The following FRMD4B variants were observed in gnomAD, a reference collection of about 807,000 sequenced individuals.
FRMD4B encodes the protein FERM domain-containing protein 4B.
FRMD4B carries 74 observed loss-of-function variants against 141.5 expected under a neutral mutation model. The observed-to-expected ratio is 0.52, with a 90% CI of 0.43 to 0.63. FRMD4B has a LOEUF of 0.63. Ranked by LOEUF, FRMD4B falls within the 30% of genes least tolerant of loss-of-function variation. FRMD4B has a pLI of 0.00. For synonymous variants in FRMD4B, 506 were observed against 467.9 expected (o/e 1.08, Z -1.05); for missense variants, 1,366 against 1,253.4 (o/e 1.09, Z -1.36).
intron 1 of FRMD4B, among the ~76,000 whole-genome samples, chr3:69,481,530 C>T (rs1047812813): frequency 9.2e-5 from 14 of 152,112 alleles, no homozygotes; most frequent in South Asian, 2.1e-4. Flanking sequence ...TGATATTTCA[C>T]GTAACAGTTA....
chr3:69,321,218 T>C (rs1701982961), intron 1 of FRMD4B, among the ~76,000 whole-genome samples: 1 of 152,056 alleles, frequency 6.6e-6, no homozygotes, highest in South Asian at 2.1e-4. Flanking sequence ...GAACCACTCA[T>C]AACAACGGGG....
chr3:69,250,281 C>CTGTGTGTGAG, intron 5 of FRMD4B, 182 bp from the exon 6 acceptor site: 4 of 511,730 alleles, frequency 7.8e-6, no homozygotes, highest in Non-Finnish European at 1.4e-5. Context: ...GGCGAAACCA[C>CTGTGTGTGAG]TGTGTGTGCG....
At chr3:69,358,836 G>C (rs1188293764) in intron 1 of FRMD4B, among the ~76,000 whole-genome samples, 1 of 152,146 alleles carries the variant, frequency 6.6e-6, no homozygotes, top group Non-Finnish European at 1.5e-5. Context: ...TTATCATGGA[G>C]GTGGGCTTCT....
chr3:69,469,660 C>G (rs1035452991), intron 1 of FRMD4B, among the ~76,000 whole-genome samples: 1 of 152,136 alleles, frequency 6.6e-6, no homozygotes, highest in Non-Finnish European at 1.5e-5. Context: ...CCCTACTCCA[C>G]AAGATTATTA....
intron 1 of FRMD4B, among the ~76,000 whole-genome samples, chr3:69,456,084 C>G (rs559571162): frequency 1.3e-5 from 2 of 152,190 alleles, no homozygotes; most frequent in Non-Finnish European, 2.9e-5. Context: ...CTCTAAAGAA[C>G]TTGTGAGCTT....
At position 69,447,671 on chromosome 3, in the gene FRMD4B, C is replaced by T. The variant is rs78774782; in HGVS notation, c.-128-14910G>A. Among the ~76,000 whole-genome samples the T allele has an allele frequency of 5.3e-5, 8 of 152,254 alleles. No individual in the cohort carries two copies. The East Asian group carries it at 1.5e-3, about 29-fold the overall frequency. ...AACATTTTTCTCTCCGAAGAAGTTCCTTTATATCCCTTTGTGCTCATTTCT... is the reference window on the plus strand; with the variant it reads ...AACATTTTTCTCTCCGAAGAAGTTCTTTTATATCCCTTTGTGCTCATTTCT... On this transcript the variant is annotated intron_variant, in intron 1 of 5. Transcript: ENST00000459638.
intron 1 of FRMD4B, among the ~76,000 whole-genome samples, chr3:69,529,747 T>C (rs562037064): frequency 6.6e-6 from 1 of 152,358 alleles, no homozygotes; most frequent in South Asian, 2.1e-4. Context: ...TTCTAAGTAC[T>C]TTACAAATAA....
chr3:69,262,968 G>C (rs1213645386), intron 5 of FRMD4B, among the ~76,000 whole-genome samples: 1 of 151,962 alleles, frequency 6.6e-6, no homozygotes, highest in Non-Finnish European at 1.5e-5. Context: ...GCTGTTAAAA[G>C]CAATTGTAGG....
chr3:69,187,387 A>T (rs2092779737), intron 19 of FRMD4B, among the ~76,000 whole-genome samples: 1 of 151,380 alleles, frequency 6.6e-6, no homozygotes, highest in Non-Finnish European at 1.5e-5. Context: ...CTCTCCTAAA[A>T]ATACAAAATT....
intron 1 of FRMD4B, among the ~76,000 whole-genome samples, chr3:69,326,459 A>G (rs1162611046): frequency 6.6e-6 from 1 of 152,212 alleles, no homozygotes; most frequent in East Asian, 1.9e-4. Context: ...GGTAAACTCT[A>G]ACACCTTATC....
intron 1 of FRMD4B, among the ~76,000 whole-genome samples, chr3:69,356,034 A>AG (rs1703309847): frequency 4.7e-4 from 1 of 2,136 alleles, no homozygotes; most frequent in Non-Finnish European, 3.9e-3. Flanking sequence ...ATCTCAAAAA[A>AG]GAAAAAAAAT....
At chr3:69,475,606 T>C (rs1345369131) in intron 1 of FRMD4B, among the ~76,000 whole-genome samples, 4 of 152,294 alleles carry the variant, frequency 2.6e-5, no homozygotes, top group African/African-American at 7.2e-5. Flanking sequence ...CAGTCTATCA[T>C]TGTTGGACAT....
intron 11 of FRMD4B, among the ~76,000 whole-genome samples, chr3:69,210,904 T>A (rs898683460): frequency 4.0e-5 from 6 of 149,936 alleles, no homozygotes; most frequent in Non-Finnish European, 5.9e-5. Flanking sequence ...TCCCAGCTAC[T>A]TGGGAGGCTG....
chr3:69,509,887 A>G (rs918079403), intron 1 of FRMD4B, among the ~76,000 whole-genome samples: 1 of 151,726 alleles, frequency 6.6e-6, no homozygotes, highest in African/African-American at 2.4e-5. Context: ...AAATATTGCA[A>G]TCAAGCAAGT....
intron 1 of FRMD4B, chr3:69,322,945 G>C: frequency 1.8e-6 from 1 of 545,798 alleles, no homozygotes; most frequent in Non-Finnish European, 2.3e-6. Flanking sequence ...AGTGGTGCCT[G>C]GTCATACAGT....
rs116686055 is a variant in FRMD4B at position 69,468,353 on chromosome 3, G to C, written c.-128-35592C>G. Among the ~76,000 whole-genome samples the C allele has an allele frequency of 4.0e-3, 602 of 151,980 alleles. 6 individuals carry two copies. The highest frequency in any genetic ancestry group is 0.013 in the African/African-American group (548 of 41,426). On this transcript the variant is annotated intron_variant, in intron 1 of 5. Coordinates refer to the FRMD4B transcript ENST00000459638. ...TTTTATAGTGTTTTCTTGTGTAGTAGACACTGTTGGTGGCCTACCCATCAC... is the reference window on the plus strand; with the variant it reads ...TTTTATAGTGTTTTCTTGTGTAGTACACACTGTTGGTGGCCTACCCATCAC...
intron 1 of FRMD4B, among the ~76,000 whole-genome samples, chr3:69,447,990 A>G (rs1321551429): frequency 6.7e-6 from 1 of 150,350 alleles, no homozygotes; most frequent in East Asian, 1.9e-4. Flanking sequence ...TTGGATTATC[A>G]TAAATGCCAC....
intron 5 of FRMD4B, among the ~76,000 whole-genome samples, chr3:69,269,009 A>G (rs2093582078): frequency 6.6e-6 from 1 of 151,000 alleles, no homozygotes; most frequent in Non-Finnish European, 1.5e-5. Context: ...GCTCACTGCA[A>G]TCTCTGCCTC....
chr3:69,452,905 G>T (rs966903853), intron 1 of FRMD4B, among the ~76,000 whole-genome samples: 9 of 152,092 alleles, frequency 5.9e-5, no homozygotes, highest in Admixed American at 2.6e-4. Context: ...ACCCAACATA[G>T]CCAAAACATT....
Sources: gnomAD v4.1 joint callset for allele counts (sites outside exome capture counted in the v4.1 genomes callset) on GRCh38, gnomAD v4.1.1 for gene constraint, MANE v1.5 for transcripts, NCBI Gene and HGNC (gene_info 2026-07-23, HGNC 2026-07-21) for gene names.